SLC4A4: variants seen among roughly 807,000 people sequenced by gnomAD.
The protein encoded by SLC4A4 is electrogenic sodium bicarbonate cotransporter 1.
A neutral mutation model predicts 111.5 loss-of-function variants in SLC4A4; 27 were observed. The observed-to-expected ratio is 0.24, with a 90% confidence interval of 0.18 to 0.33. The LOEUF is 0.33. Among genes scored for constraint, SLC4A4 ranks in the 10% least tolerant of loss-of-function variants. The probability of loss-of-function intolerance (pLI) is 1.00; values close to 1 mark genes in which losing one functional copy is unlikely to be tolerated. For missense variants in SLC4A4, 909 were observed against 1,315.5 expected, an observed-to-expected ratio of 0.69 and a Z score of 4.78; for synonymous variants, 443 against 463.4, an observed-to-expected ratio of 0.96 and a Z score of 0.57.
chr4:71,309,131 A>G (rs1438431188), intron 3 of SLC4A4, among the ~76,000 whole-genome samples: 1 of 152,206 alleles, frequency 6.6e-6, no homozygotes, highest in Non-Finnish European at 1.5e-5. Context: ...ACAGCACAGC[A>G]AAGTGGCTGT....
intron 2 of SLC4A4, among the ~76,000 whole-genome samples, chr4:71,130,251 A>G (rs928863104): frequency 1.3e-5 from 2 of 151,434 alleles, no homozygotes; most frequent in Non-Finnish European, 2.9e-5. Context: ...TTTTTAAGAG[A>G]TGAGATCTTG....
At chr4:71,274,334 G>A (rs1722917489) in intron 3 of SLC4A4, among the ~76,000 whole-genome samples, 1 of 152,118 alleles carries the variant, frequency 6.6e-6, no homozygotes, top group African/African-American at 2.4e-5. Context: ...GGTGACAGAG[G>A]AAGAAGAAAA....
At chr4:71,507,492 A>T (rs905726592) in intron 16 of SLC4A4, among the ~76,000 whole-genome samples, 1 of 152,226 alleles carries the variant, frequency 6.6e-6, no homozygotes, top group Non-Finnish European at 1.5e-5. Context: ...ATGAAAAAAG[A>T]CAAAAGGTAT....
intron 5 of SLC4A4, among the ~76,000 whole-genome samples, chr4:71,354,008 G>T (rs1417981832): frequency 6.6e-6 from 1 of 152,074 alleles, no homozygotes; most frequent in African/African-American, 2.4e-5. Context: ...TTTTCACGAA[G>T]AACCCCTTCT....
At chr4:71,523,265 A>G (rs1210485416) in intron 16 of SLC4A4, among the ~76,000 whole-genome samples, 1 of 152,218 alleles carries the variant, frequency 6.6e-6, no homozygotes, top group African/African-American at 2.4e-5. Context: ...CTAAAGGAGA[A>G]CCAGATTTTC....
At chr4:71,177,837 T>C (rs150199227) in intron 2 of SLC4A4, among the ~76,000 whole-genome samples, 21,187 of 152,066 alleles carry the variant, frequency 0.14, 1,840 homozygotes, top group Admixed American at 0.29. Context: ...ACCTAATAGA[T>C]ATCTACGGAA....
chr4:71,292,842 G>GTTTTTTTTTTTTTTT (rs869195687), intron 3 of SLC4A4, among the ~76,000 whole-genome samples: 4 of 110,184 alleles, frequency 3.6e-5, no homozygotes, highest in Admixed American at 1.0e-4. Context: ...GGTTTTTTTT[G>GTTTTTTTTTTTTTTT]TTTTTTTTTT....
At chr4:71,304,279 G>A (rs1210114006) in intron 3 of SLC4A4, among the ~76,000 whole-genome samples, 1 of 152,204 alleles carries the variant, frequency 6.6e-6, no homozygotes. Context: ...TGAGACCAGG[G>A]AAAGCCAGTG....
At chr4:71,174,770 T>A (rs920340317) in intron 2 of SLC4A4, among the ~76,000 whole-genome samples, 2 of 152,160 alleles carry the variant, frequency 1.3e-5, no homozygotes, top group Non-Finnish European at 2.9e-5. Context: ...TGAGACAGGG[T>A]CTTGTTGTTT....
intron 16 of SLC4A4, among the ~76,000 whole-genome samples, chr4:71,508,295 G>A (rs1343466005): frequency 2.6e-5 from 4 of 151,968 alleles, no homozygotes; most frequent in Non-Finnish European, 5.9e-5. Context: ...ACAAATCCAG[G>A]AGCTGGTTTT....
chr4:71,540,400 A>G (rs1440658986), intron 18 of SLC4A4, among the ~76,000 whole-genome samples: 2 of 152,202 alleles, frequency 1.3e-5, no homozygotes, highest in Non-Finnish European at 2.9e-5. Flanking sequence ...AGCATATACA[A>G]TTTCAAAAGG....
At chr4:71,500,506 G>C (rs1730818165) in intron 16 of SLC4A4, among the ~76,000 whole-genome samples, 1 of 151,868 alleles carries the variant, frequency 6.6e-6, no homozygotes. Context: ...ATTTTTAGTA[G>C]AGACAGGATT....
At chr4:71,397,732 G>A (rs1249995988) in intron 7 of SLC4A4, 79 bp downstream of exon 7, 2 of 1,281,124 alleles carry the variant, frequency 1.6e-6, no homozygotes, top group African/African-American at 2.9e-5. Context: ...TAGAGGTGAT[G>A]GTTGCTTCAC....
At chr4:71,188,289 C>T (rs534784457) in intron 1 of SLC4A4, among the ~76,000 whole-genome samples, 37 of 152,264 alleles carry the variant, frequency 2.4e-4, no homozygotes, top group African/African-American at 8.4e-4. Context: ...TCTTCTATCA[C>T]TTTTTTCAGC....
chr4:71,070,187 G>A (rs1741629385), intron 1 of SLC4A4, among the ~76,000 whole-genome samples: 1 of 152,182 alleles, frequency 6.6e-6, no homozygotes, highest in South Asian at 2.1e-4. Flanking sequence ...GAGTAACACA[G>A]TGGACTCCTG....
rs1719219727 is a variant in SLC4A4, at chr4:71,391,133, T to C, written c.731-6444T>C. Reference sequence around the variant, plus strand: ...ATGACATTTATTGCTAGTTTTATGGTCCCAAGCAATGAAAATCAGACCCAT... The same window carrying C: ...ATGACATTTATTGCTAGTTTTATGGCCCCAAGCAATGAAAATCAGACCCAT... On this transcript the variant is annotated intron_variant, in intron 6 of 25. Transcript: ENST00000264485. Among the ~76,000 whole-genome samples the C allele has an allele frequency of 2.0e-5, 3 of 152,204 alleles. 1 individual carries two copies. In the South Asian group the frequency reaches 6.2e-4, roughly 32 times the overall value.
chr4:71,106,710 G>C (rs1014064029), intron 2 of SLC4A4, among the ~76,000 whole-genome samples: 1 of 141,466 alleles, frequency 7.1e-6, no homozygotes, highest in Non-Finnish European at 1.5e-5. Flanking sequence ...ACTCATAGGT[G>C]GGAATTGAAC....
chr4:71,412,169 A>G (rs1311999884), intron 7 of SLC4A4, among the ~76,000 whole-genome samples: 2 of 152,254 alleles, frequency 1.3e-5, no homozygotes, highest in Non-Finnish European at 2.9e-5. Flanking sequence ...ACTATGTAAG[A>G]TCTAAATGTG....
chr4:71,143,779 T>C (rs1744080664), intron 2 of SLC4A4, among the ~76,000 whole-genome samples: 2 of 152,258 alleles, frequency 1.3e-5, no homozygotes, highest in South Asian at 4.1e-4. Context: ...CTTTGTCCAC[T>C]TTTTGATGGT....
Sources: allele counts gnomAD v4.1 joint callset (sites outside exome capture counted in the v4.1 genomes callset), GRCh38; gene constraint gnomAD v4.1.1; transcripts MANE v1.5; gene names NCBI Gene and HGNC (gene_info 2026-07-23, HGNC 2026-07-21).